The following SHFL variants were observed in gnomAD, a reference collection of about 807,000 sequenced individuals.
The protein encoded by SHFL is shiftless antiviral inhibitor of ribosomal frameshifting protein.
In SHFL, 12 loss-of-function variants were observed where a neutral mutation model predicts 34.7. The observed-to-expected ratio is 0.35, with a 90% CI of 0.22 to 0.56. SHFL has a LOEUF of 0.56. SHFL is among the 20% of genes least tolerant of loss of function. SHFL has a pLI of 0.88. For synonymous variants in SHFL, 148 were observed against 156.0 expected (o/e 0.95, Z 0.38); for missense variants, 278 against 411.1 (o/e 0.68, Z 2.80).
Position 10,092,318 on chromosome 19 carries a change from G to A in SHFL, c.*16G>A. ...CAGGGAGTGACCCCTGCCAGGTGCA[G>A]ATACAAACCAGACACGGTCTGTGGC... On this transcript the variant is annotated 3_prime_UTR_variant, in exon 8 of 8. Coordinates refer to ENST00000253110, the MANE Select transcript of SHFL (RefSeq NM_018381.4). 6.4e-7 allele frequency: 1 copy of A among 1,560,932 alleles called. No individual in the cohort carries two copies. The highest frequency in any genetic ancestry group is 2.4e-5 in the East Asian group (1 of 41,564).
chr19:10,086,416 G>T lies in SHFL; in HGVS notation c.-12G>T. ...AGTGCGGACCCTCGCGGGGAACTGC[G>T]CCGCCGCCACCATGTCTCAGGAAGG... On this transcript the variant is annotated 5_prime_UTR_variant, in exon 1 of 8. Transcript: ENST00000253110. The surrounding 1 kb of genome is among the most constrained non-coding windows in gnomAD (Gnocchi z 5.2). The T allele has an allele frequency of 7.5e-7, 1 of 1,341,744 alleles. No homozygotes were observed. Among genetic ancestry groups the T allele is most frequent in the South Asian group, 2.3e-5 (1 of 43,178 alleles). The allele number at this position is 1,341,744 out of a possible 1,614,324, so 83.1% of individuals were successfully genotyped here. A position where few individuals can be genotyped will look rare whatever the true frequency, so the allele number is the denominator to read the frequency against.
intron 3 of SHFL, 127 bp from the exon 4 acceptor site, chr19:10,089,530 G>A (rs2088345097): frequency 7.2e-7 from 1 of 1,382,790 alleles, no homozygotes; most frequent in African/African-American, 1.4e-5. Context: ...ATAAGTGAGT[G>A]GTGCTCTGTG....
chr19:10,091,910 G>A lies in SHFL; in HGVS notation c.644-160G>A, dbSNP rs1364731884. ...ATCTCAGGTGACCCCCATGTCCCCA[G>A]GTCTCCTGTATCTTCAACACCCCTG... On this transcript the variant is annotated intron_variant, in intron 7 of 7. Transcript: ENST00000253110. This position sits in a 1 kb window ranked among gnomAD's most constrained non-coding sequence, Gnocchi z 8.2. 2.1e-6 allele frequency: 2 copies of A among 952,128 alleles called. No individual in the cohort carries two copies. The highest frequency in any genetic ancestry group is 3.1e-6 in the Non-Finnish European group (2 of 641,224). 59.0% of individuals were successfully genotyped at this position (952,128 alleles called of 1,614,324 possible).
Position 10,091,944 on chromosome 19 carries a change from G to C in SHFL, c.644-126G>C. The C allele has an allele frequency of 8.4e-7, 1 of 1,193,694 alleles. No homozygotes were observed. Among genetic ancestry groups the C allele is most frequent in the Non-Finnish European group, 1.2e-6 (1 of 835,732 alleles). The allele number at this position is 1,193,694 out of a possible 1,614,324, so 73.9% of individuals were successfully genotyped here. A position where few individuals can be genotyped will look rare whatever the true frequency, so the allele number is the denominator to read the frequency against. ...TATCTTCAACACCCCTGAATGTCCAGTTGTGCTGGTCCCCGTATCTGGTGG... is the reference window on the plus strand; with the variant it reads ...TATCTTCAACACCCCTGAATGTCCACTTGTGCTGGTCCCCGTATCTGGTGG... On this transcript the variant is annotated intron_variant, in intron 7 of 7. Coordinates refer to ENST00000253110, the MANE Select transcript of SHFL (RefSeq NM_018381.4). The surrounding 1 kb of genome is among the most constrained non-coding windows in gnomAD (Gnocchi z 8.2).
intron 3 of SHFL, 89 bp downstream of exon 3, chr19:10,087,389 C>A: frequency 7.1e-7 from 1 of 1,407,106 alleles, no homozygotes; most frequent in Non-Finnish European, 1.0e-6. Context: ...ACTGACCCCC[C>A]TCTGAAACAG....
rs770434777 is a variant in SHFL, at chr19:10,091,541, G to T, written c.554G>T (p.Arg185Leu). ...TGCGGCTTCCCCGTGTATCCAACAC[G>T]GATCCTCCCCCCGCGCTGGGACCGG... ...YGCGFPVYPT[R>L]ILPPRWDRDP... The change falls in exon 7 of 8, where the codon CGG becomes CTG. Residue 185 changes from arginine to leucine, a missense_variant. Physicochemically the swap from Arg to Leu is moderately radical, Grantham distance 102. This residue lies in a region of SHFL where 243 missense variants were observed against 386.2 expected (regional missense o/e 0.63). Transcript: ENST00000253110. The surrounding 1 kb of genome is among the most constrained non-coding windows in gnomAD (Gnocchi z 8.2). 6.4e-7 allele frequency: 1 copy of T among 1,550,510 alleles called. No individual in the cohort carries two copies. Among genetic ancestry groups the T allele is most frequent in the East Asian group, 2.4e-5 (1 of 40,902 alleles).
chr19:10,092,024 T>C, intron 7 of SHFL, 46 bp from the exon 8 acceptor site: 1 of 1,612,276 alleles, frequency 6.2e-7, no homozygotes, highest in Non-Finnish European at 8.5e-7. Flanking sequence ...CCCCAGACTC[T>C]CATGGGACCT....
intron 5 of SHFL, 60 bp downstream of exon 5, chr19:10,090,107 T>G: frequency 6.5e-7 from 1 of 1,536,956 alleles, no homozygotes; most frequent in Admixed American, 1.9e-5. Context: ...CTGACTCCTA[T>G]CCTCAGTGAC....
chr19:10,089,257 G>A (rs751389428), intron 3 of SHFL: 1 of 1,566,948 alleles, frequency 6.4e-7, no homozygotes, highest in Admixed American at 1.8e-5. Flanking sequence ...AGTCCCCACA[G>A]CTGGAAGTGA....
chr19:10,086,378 G>A lies in SHFL; in HGVS notation c.-50G>A. 7.8e-6 allele frequency: 10 copies of A among 1,274,764 alleles called. No homozygotes were observed. Among genetic ancestry groups the A allele is most frequent in the Non-Finnish European group, 1.0e-5 (10 of 1,003,412 alleles). The allele number at this position is 1,274,764 out of a possible 1,614,324, so 79.0% of individuals were successfully genotyped here. A position where few individuals can be genotyped will look rare whatever the true frequency, so the allele number is the denominator to read the frequency against. On this transcript the variant is annotated 5_prime_UTR_variant, in exon 1 of 8. Coordinates refer to ENST00000253110, the MANE Select transcript of SHFL (RefSeq NM_018381.4). This position sits in a 1 kb window ranked among gnomAD's most constrained non-coding sequence, Gnocchi z 5.2. ...GACGGGCGCACCCAGGTAGGGGGGC[G>A]GCTGAGCCGCGCAGTGCGGACCCTC...
At position 10,086,512 on chromosome 19, in the gene SHFL, C is replaced by G. The variant is rs1008688216; in HGVS notation, c.21+64C>G. On this transcript the variant is annotated intron_variant, in intron 1 of 7. Coordinates refer to ENST00000253110, the MANE Select transcript of SHFL (RefSeq NM_018381.4). The surrounding 1 kb of genome is among the most constrained non-coding windows in gnomAD (Gnocchi z 5.2). ...CAGACCCCGAGGAGCGGCCGGGAGG[C>G]GCGGAGGGGGCTTCGCAGTTCCTGG... 3.7e-5 allele frequency: 49 copies of G among 1,311,530 alleles called. No homozygotes were observed. The highest frequency in any genetic ancestry group is 4.8e-5 in the Non-Finnish European group (49 of 1,020,364). 81.2% of individuals were successfully genotyped at this position (1,311,530 alleles called of 1,614,324 possible).
At chr19:10,089,441 A>G in intron 3 of SHFL, 1 of 1,566,200 alleles carries the variant, frequency 6.4e-7, no homozygotes, top group South Asian at 1.1e-5. Flanking sequence ...CAGTTTCCCC[A>G]TCTGAGCAAT....
Position 10,086,852 on chromosome 19 carries a change from A to G in SHFL, c.22-77A>G, listed in dbSNP as rs2088295686. ...AACCAAGGGTCAAGTTCGGGCCGGG[A>G]GAACGGTGCCTAGAGATGGGGGAGG... On this transcript the variant is annotated intron_variant, in intron 1 of 7. Coordinates refer to ENST00000253110, the MANE Select transcript of SHFL (RefSeq NM_018381.4). This position sits in a 1 kb window ranked among gnomAD's most constrained non-coding sequence, Gnocchi z 5.2. The G allele has an allele frequency of 7.3e-6, 11 of 1,513,896 alleles. No homozygotes were observed. The highest frequency in any genetic ancestry group is 1.2e-5 in the South Asian group (1 of 81,714). 93.8% of individuals were successfully genotyped at this position (1,513,896 alleles called of 1,614,324 possible). A position where few individuals can be genotyped will look rare whatever the true frequency, so the allele number is the denominator to read the frequency against.
intron 3 of SHFL, 188 bp from the exon 4 acceptor site, chr19:10,089,469 C>T (rs2088344312): frequency 2.0e-6 from 3 of 1,468,186 alleles, no homozygotes; most frequent in East Asian, 4.6e-5. Flanking sequence ...CAGGTGTGCC[C>T]ACCTCTCAGG....
At position 10,091,786 on chromosome 19, in the gene SHFL, G is replaced by C. The variant is rs2088395273; in HGVS notation, c.643+156G>C. On this transcript the variant is annotated intron_variant, in intron 7 of 7. Transcript: ENST00000253110. The surrounding 1 kb of genome is among the most constrained non-coding windows in gnomAD (Gnocchi z 8.2). ...CCCCAGTCTCCGTGGTCTTGCCCAG[G>C]AGGCTCTGAGGTTTCACCCCAGTGG... 5.3e-6 allele frequency: 6 copies of C among 1,131,060 alleles called. No homozygotes were observed. In the South Asian group the frequency reaches 9.9e-5, roughly 19 times the overall value. The allele number at this position is 1,131,060 out of a possible 1,614,324, so 70.1% of individuals were successfully genotyped here. A position where few individuals can be genotyped will look rare whatever the true frequency, so the allele number is the denominator to read the frequency against.
At chr19:10,087,385 C>G in intron 3 of SHFL, 85 bp downstream of exon 3, 1 of 1,455,614 alleles carries the variant, frequency 6.9e-7, no homozygotes, top group Non-Finnish European at 9.6e-7. Flanking sequence ...GGTGACTGAC[C>G]CCCCTCTGAA....
chr19:10,090,840 C>T (rs1327467059), intron 5 of SHFL, among the ~76,000 whole-genome samples: 3 of 151,124 alleles, frequency 2.0e-5, no homozygotes, highest in African/African-American at 7.3e-5. Context: ...CCTGGGAGGT[C>T]GAGGCTGCAG....
At position 10,086,692 on chromosome 19, in the gene SHFL, T is replaced by C. The variant is rs2088289864; in HGVS notation, c.22-237T>C. 5.0e-6 allele frequency: 3 copies of C among 595,142 alleles called. No homozygotes were observed. The highest frequency in any genetic ancestry group is 8.7e-6 in the Non-Finnish European group (3 of 345,020). The allele number at this position is 595,142 out of a possible 1,614,324, so 36.9% of individuals were successfully genotyped here. On this transcript the variant is annotated intron_variant, in intron 1 of 7. Transcript: ENST00000253110. This position sits in a 1 kb window ranked among gnomAD's most constrained non-coding sequence, Gnocchi z 5.2. ...CAAAGGTCAGAGGCCAGAGATAACCTGGCCGCCCCCCCACACCTTAGGCTG... is the reference window on the plus strand; with the variant it reads ...CAAAGGTCAGAGGCCAGAGATAACCCGGCCGCCCCCCCACACCTTAGGCTG...
intron 3 of SHFL, chr19:10,089,177 C>A: frequency 1.2e-6 from 1 of 840,134 alleles, no homozygotes; most frequent in Non-Finnish European, 1.9e-6. Context: ...ACCCTGGCCA[C>A]CTGGAGTCAG....
Sources: gnomAD v4.1 joint callset for allele counts (sites outside exome capture counted in the v4.1 genomes callset) on GRCh38, gnomAD v4.1.1 for gene constraint, gnomAD v4.1.1 regional missense constraint, Gnocchi (gnomAD v3.1) non-coding constraint, MANE v1.5 for transcripts, NCBI Gene and HGNC (gene_info 2026-07-23, HGNC 2026-07-21) for gene names.